TRAK1: variants seen among roughly 807,000 people sequenced by gnomAD.
TRAK1 encodes trafficking kinesin protein 1.
TRAK1 carries 33 observed loss-of-function variants against 92.1 expected under a neutral mutation model. The ratio of observed to expected loss-of-function variants is 0.36; its 90% CI spans 0.27 to 0.48. TRAK1 has a LOEUF of 0.48. Among genes scored for constraint, TRAK1 ranks in the 20% least tolerant of loss-of-function variants. TRAK1 has a pLI of 0.99. For synonymous variants in TRAK1, 521 were observed against 517.3 expected (o/e 1.01, Z -0.10); for missense variants, 1,123 against 1,257.9 (o/e 0.89, Z 1.62).
At position 42,131,585 on chromosome 3, in the gene TRAK1, C is replaced by T. The variant is rs138201032; in HGVS notation, c.286+5971C>T. ...TACAAAAATTAGCCAGGCATGGTGG[C>T]GTGCACCTGTAATCCCAGCTAACTT... is the stretch of plus-strand genomic sequence containing the variant. On this transcript the variant is annotated intron_variant, in intron 2 of 15. Transcript: ENST00000327628. 4.3e-3 allele frequency among the ~76,000 whole-genome samples: 548 copies of T among 126,726 alleles called. 3 individuals carry two copies. In the Middle Eastern group the frequency reaches 0.043, roughly 10 times the overall value. The allele number at this position is 126,726 out of a possible 152,430, so 83.1% of individuals were successfully genotyped here.
At chr3:42,050,684 G>T (rs1327857474) in intron 1 of TRAK1, among the ~76,000 whole-genome samples, 1 of 151,946 alleles carries the variant, frequency 6.6e-6, no homozygotes, top group Non-Finnish European at 1.5e-5. Context: ...TTGAGATGGA[G>T]TCTTGCTCTA....
rs149186690 is a variant in TRAK1 at position 42,219,584 on chromosome 3, G to A, written c.2054G>A (p.Arg685Gln). The change falls in exon 15 of 16, where the codon CGG (arginine) becomes CAG (glutamine). Residue 685 changes from arginine to glutamine, a missense_variant. By Grantham distance (43) the Arg-to-Gln change is conservative. Transcript: ENST00000327628. ...RILHPSDELT[R>Q]VTPSLNSAPT... ...CTGCATCCTTCAGATGAGCTCACTC[G>A]GGTCACACCAAGGTAAGGGACCCTG... is the stretch of plus-strand genomic sequence containing the variant. 2,855 of 1,613,760 alleles carry A rather than the reference G, an allele frequency of 1.8e-3. 2 individuals carry two copies. The highest frequency in any genetic ancestry group is 2.3e-3 in the Non-Finnish European group (2,661 of 1,179,920).
intron 1 of TRAK1, among the ~76,000 whole-genome samples, chr3:42,065,019 G>C (rs554688560): frequency 6.6e-6 from 1 of 152,282 alleles, no homozygotes; most frequent in Admixed American, 6.5e-5. Flanking sequence ...GGAGCTTACA[G>C]TGAGCTGAGG....
chr3:42,194,730 C>T, intron 9 of TRAK1, 74 bp from the exon 10 acceptor site: 7 of 1,548,978 alleles, frequency 4.5e-6, no homozygotes, highest in Admixed American at 1.8e-5. Context: ...GTCTTTCTGG[C>T]CTTCGGATGG....
intron 2 of TRAK1, among the ~76,000 whole-genome samples, chr3:42,144,269 A>T (rs992911374): frequency 3.9e-5 from 2 of 50,896 alleles, no homozygotes; most frequent in Non-Finnish European, 1.1e-4. Flanking sequence ...ATTTCCCTTA[A>T]AAAAAAAAAG....
At chr3:42,118,192 T>G (rs1001474533) in intron 1 of TRAK1, among the ~76,000 whole-genome samples, 1 of 151,492 alleles carries the variant, frequency 6.6e-6, no homozygotes, top group Non-Finnish European at 1.5e-5. Context: ...CAAGCAGTTC[T>G]TCCTGCTTCA....
chr3:42,203,590 T>C, intron 13 of TRAK1: 1 of 985,124 alleles, frequency 1.0e-6, no homozygotes, highest in Non-Finnish European at 1.2e-6. Flanking sequence ...CTTATATTTT[T>C]CATTTTTTAC....
chr3:42,209,734 G>T, intron 13 of TRAK1, 33 bp from the exon 14 acceptor site: 1 of 1,595,830 alleles, frequency 6.3e-7, no homozygotes, highest in South Asian at 1.1e-5. Flanking sequence ...TCTTCTCCTT[G>T]TCCCCCTTCT....
Position 42,202,544 on chromosome 3 carries a change from G to A in TRAK1, c.1536G>A (p.Glu512=), listed in dbSNP as rs1372051385. 6.4e-7 allele frequency: 1 copy of A among 1,572,826 alleles called. No individual in the cohort carries two copies. The highest frequency in any genetic ancestry group is 8.7e-7 in the Non-Finnish European group (1 of 1,152,572). ...TGCGCCGGGAGAACTACCTCTCGGA[G>A]AGGAGGTTCTTTGAGGAGGAGCAAG... The part of the protein sequence containing the change: ...LSLRRENYLS[E]RRFFEEEQER... The change falls in exon 13 of 16, where the codon GAG becomes GAA. Residue 512 remains glutamate (E), a synonymous_variant. Coordinates refer to ENST00000327628, the MANE Select transcript of TRAK1 (RefSeq NM_001042646.3). The surrounding 1 kb of genome is among the most constrained non-coding windows in gnomAD (Gnocchi z 6.1).
At position 42,120,373 on chromosome 3, in the gene TRAK1, G is replaced by A. The variant is rs73828548; in HGVS notation, c.92-5047G>A. ...CTTGTTACTAATGTGAATTGTAACTGTGGGGAAATGGTGACCACAGAGAGC... is the reference window on the plus strand; with the variant it reads ...CTTGTTACTAATGTGAATTGTAACTATGGGGAAATGGTGACCACAGAGAGC... On this transcript the variant is annotated intron_variant, in intron 1 of 15. Coordinates refer to ENST00000327628, the MANE Select transcript of TRAK1 (RefSeq NM_001042646.3). Among the ~76,000 whole-genome samples, 284 of 152,176 alleles carry A rather than the reference G, an allele frequency of 1.9e-3. 2 individuals are homozygous for A. Among genetic ancestry groups the A allele is most frequent in the African/African-American group, 6.2e-3 (257 of 41,520 alleles).
At chr3:42,158,454 A>C (rs913265081) in intron 2 of TRAK1, among the ~76,000 whole-genome samples, 21 of 152,142 alleles carry the variant, frequency 1.4e-4, no homozygotes, top group Non-Finnish European at 2.5e-4. Flanking sequence ...GAATTGAATT[A>C]GTCTAATCCG....
intron 2 of TRAK1, among the ~76,000 whole-genome samples, chr3:42,130,175 G>A (rs779471103): frequency 7.9e-5 from 12 of 152,048 alleles, no homozygotes; most frequent in Non-Finnish European, 1.0e-4. Flanking sequence ...GTGTGCTATA[G>A]ACTTTTGTAG....
intron 2 of TRAK1, among the ~76,000 whole-genome samples, chr3:42,148,624 G>A (rs1408276114): frequency 1.3e-5 from 2 of 152,080 alleles, no homozygotes; most frequent in African/African-American, 2.4e-5. Context: ...ACACATGTAC[G>A]TGTCCATGAA....
intron 1 of TRAK1, among the ~76,000 whole-genome samples, chr3:42,026,328 G>A (rs986437164): frequency 2.0e-5 from 3 of 152,198 alleles, no homozygotes; most frequent in Admixed American, 1.3e-4. Context: ...TTTGAATTGC[G>A]TGGTTAGCTT....
intron 2 of TRAK1, among the ~76,000 whole-genome samples, chr3:42,134,451 A>C (rs974713539): frequency 1.9e-4 from 28 of 149,822 alleles, no homozygotes; most frequent in Non-Finnish European, 3.0e-4. Context: ...CTAGTTTTAA[A>C]ATGTTTTGTA....
intron 2 of TRAK1, among the ~76,000 whole-genome samples, chr3:42,161,671 C>A (rs991297048): frequency 2.8e-4 from 42 of 152,320 alleles, no homozygotes; most frequent in African/African-American, 9.9e-4. Flanking sequence ...AGTTACTGTT[C>A]TAAAAATATG....
At chr3:42,166,507 G>C (rs556639587) in intron 2 of TRAK1, among the ~76,000 whole-genome samples, 1 of 152,320 alleles carries the variant, frequency 6.6e-6, no homozygotes, top group South Asian at 2.1e-4. Context: ...GACCTTGGAC[G>C]AGCCACTGGC....
chr3:42,144,081 T>C (rs150534789), intron 2 of TRAK1, among the ~76,000 whole-genome samples: 126 of 152,292 alleles, frequency 8.3e-4, no homozygotes, highest in African/African-American at 2.9e-3. Flanking sequence ...TTGTCACTGT[T>C]TAGAAATGGT....
chr3:42,118,519 C>T (rs1242374123), intron 1 of TRAK1, among the ~76,000 whole-genome samples: 1 of 152,220 alleles, frequency 6.6e-6, no homozygotes, highest in Non-Finnish European at 1.5e-5. Context: ...TGGCATGTCA[C>T]CTGAGAATCA....
Sources: allele counts gnomAD v4.1 joint callset (sites outside exome capture counted in the v4.1 genomes callset), GRCh38; gene constraint gnomAD v4.1.1; non-coding constraint Gnocchi (gnomAD v3.1); transcripts MANE v1.5; gene names NCBI Gene and HGNC (gene_info 2026-07-23, HGNC 2026-07-21).